Variants in ZNF530 observed in about 807,000 individuals in gnomAD.
ZNF530 encodes the protein zinc finger protein 530.
In ZNF530, 5 loss-of-function variants were observed where a neutral mutation model predicts 2.8. The ratio of observed to expected loss-of-function variants is 1.80; its 90% CI spans 0.94 to 3.78. ZNF530 has a LOEUF of 3.78. Ranked by LOEUF, ZNF530 falls within the 30% of genes most tolerant of loss-of-function variation. The pLI, the probability that ZNF530 is intolerant of heterozygous loss-of-function variation, is 0.00. For synonymous variants in ZNF530, 229 were observed against 235.0 expected, an observed-to-expected ratio of 0.97 and a Z score of 0.23; for missense variants, 619 against 673.3, an observed-to-expected ratio of 0.92 and a Z score of 0.89.
downstream of ZNF530, among the ~76,000 whole-genome samples, chr19:57,610,495 C>T (rs1980835355): frequency 6.6e-6 from 1 of 151,550 alleles, no homozygotes; most frequent in Non-Finnish European, 1.5e-5. Context: ...GTTGATTACA[C>T]CTCAATGAAC....
Position 57,607,345 on chromosome 19 carries a change from C to A in ZNF530, c.*20C>A, listed in dbSNP as rs1980636053. 2 of 1,477,530 alleles carry A rather than the reference C, an allele frequency of 1.4e-6. No homozygotes were observed. The highest frequency in any genetic ancestry group is 2.5e-5 in the South Asian group (2 of 79,116). The allele number at this position is 1,477,530 out of a possible 1,614,324, so 91.5% of individuals were successfully genotyped here. A position where few individuals can be genotyped will look rare whatever the true frequency, so the allele number is the denominator to read the frequency against. On this transcript the variant is annotated 3_prime_UTR_variant, in exon 4 of 4. Transcript: ENST00000597700. ...CAGTGAATGTGGGAAATTATTTTGT[C>A]ACTTTTTTTTTTTTTTTTGAGATGG...
rs1980613075 is a variant in ZNF530 at position 57,607,092 on chromosome 19, G to A, written c.1468G>A (p.Glu490Lys). 6.2e-7 allele frequency: 1 copy of A among 1,613,812 alleles called. No individual in the cohort carries two copies. The highest frequency in any genetic ancestry group is 1.3e-5 in the African/African-American group (1 of 74,798). Residue 490 changes from glutamate to lysine, a missense_variant, in exon 4 of 4, where the codon GAA (glutamate) becomes AAA (lysine). Transcript: ENST00000597700. ...HTNERPYECDECGKSYSQSSA... is the reference protein window; with the variant it reads ...HTNERPYECDKCGKSYSQSSA... ...TAATGAAAGGCCTTATGAGTGCGAT[G>A]AATGTGGGAAATCCTATAGCCAAAG...
rs751233316 is a variant in ZNF530 at position 57,606,260 on chromosome 19, G to A, written c.636G>A (p.Gly212=). 4 of 1,614,004 alleles carry A rather than the reference G, an allele frequency of 2.5e-6. No homozygotes were observed. The highest frequency in any genetic ancestry group is 2.5e-6 in the Non-Finnish European group (3 of 1,180,040). The change falls in exon 4 of 4, where the codon GGG becomes GGA. Residue 212 remains glycine (G), a synonymous_variant. Coordinates refer to ENST00000597700, the MANE Select transcript of ZNF530 (RefSeq NM_001321981.2). ...GERPYKCSEC[G]KSFSQSSGFL... Reference sequence around the variant, plus strand: ...GGCCTTACAAGTGCAGTGAATGTGGGAAATCCTTTAGTCAAAGTTCTGGCT... The same window carrying A: ...GGCCTTACAAGTGCAGTGAATGTGGAAAATCCTTTAGTCAAAGTTCTGGCT...
Position 57,607,380 on chromosome 19 carries a change from C to G in ZNF530, c.*55C>G, listed in dbSNP as rs564907067. 1 of 1,510,148 alleles carries G rather than the reference C, an allele frequency of 6.6e-7. No individual in the cohort carries two copies. Among genetic ancestry groups the G allele is most frequent in the Non-Finnish European group, 8.8e-7 (1 of 1,132,794 alleles). 93.5% of individuals were successfully genotyped at this position (1,510,148 alleles called of 1,614,324 possible). A position where few individuals can be genotyped will look rare whatever the true frequency, so the allele number is the denominator to read the frequency against. On this transcript the variant is annotated 3_prime_UTR_variant, in exon 4 of 4. Coordinates refer to ENST00000597700, the MANE Select transcript of ZNF530 (RefSeq NM_001321981.2). ...TTTTTTTTTGAGATGGAATTTTGCT[C>G]GTCACCCAGGCTGGAGTGCAATTGT... is the stretch of plus-strand genomic sequence containing the variant.
Position 57,607,152 on chromosome 19 carries a change from G to A in ZNF530, c.1528G>A (p.Gly510Arg), listed in dbSNP as rs1432991630. Residue 510 changes from glycine to arginine, a missense_variant, in exon 4 of 4, where the codon GGA becomes AGA. By Grantham distance (125) the Gly-to-Arg change is moderately radical. Coordinates refer to ENST00000597700, the MANE Select transcript of ZNF530 (RefSeq NM_001321981.2). ...ALLQHRRVHT[G>R]ERPYECRECG... ...CCTTCAGCATAGGAGAGTTCACACT[G>A]GAGAAAGGCCTTATGAGTGCAGAGA... 6.2e-7 allele frequency: 1 copy of A among 1,613,442 alleles called. No homozygotes were observed.
rs901029531 is a variant in ZNF530, at chr19:57,599,944, G to T, written c.-312G>T. 6.7e-6 allele frequency: 5 copies of T among 745,628 alleles called. No individual in the cohort carries two copies. In the African/African-American group the frequency reaches 8.9e-5, roughly 13 times the overall value. The allele number at this position is 745,628 out of a possible 1,614,324, so 46.2% of individuals were successfully genotyped here. A position where few individuals can be genotyped will look rare whatever the true frequency, so the allele number is the denominator to read the frequency against. On this transcript the variant is annotated 5_prime_UTR_variant, in exon 1 of 4. Transcript: ENST00000597700. The stretch of plus-strand genomic sequence containing the variant: ...TGGCTTGTGTCAGTTCCATCCGCGG[G>T]TGCCGGATCTGGACCTAGGTGCTGA...
At chr19:57,612,522 A>G (rs1041877072), downstream of ZNF530, 3 of 400,306 alleles carry the variant, frequency 7.5e-6, no homozygotes, top group African/African-American at 4.1e-5. Context: ...AGTGTTTTCA[A>G]GAATGAAAAG....
Position 57,606,322 on chromosome 19 carries a change from C to T in ZNF530, c.698C>T (p.Thr233Ile). ...AGGAAAGCACACGGTAGAACAAGGA[C>T]TCATGAATGTAGTGAATGTGGGAAA... ...RHRKAHGRTR[T>I]HECSECGKSF... The change falls in exon 4 of 4, where the codon ACT becomes ATT. Residue 233 changes from threonine to isoleucine, a missense_variant. Thr to Ile is a moderately conservative substitution (Grantham distance 89). Coordinates refer to ENST00000597700, the MANE Select transcript of ZNF530 (RefSeq NM_001321981.2). The T allele has an allele frequency of 1.2e-6, 2 of 1,614,156 alleles. No individual in the cohort carries two copies. Among genetic ancestry groups the T allele is most frequent in the Middle Eastern group, 1.6e-4 (1 of 6,062 alleles).
intron 2 of ZNF530, 132 bp from the exon 3 acceptor site, chr19:57,604,144 TG>T: frequency 8.1e-7 from 1 of 1,227,216 alleles, no homozygotes; most frequent in African/African-American, 1.5e-5. Context: ...TAGGCATCAG[TG>T]GCATCAGGGC....
downstream of ZNF530, among the ~76,000 whole-genome samples, chr19:57,610,444 GTGTGTA>G (rs779889343): frequency 6.3e-4 from 93 of 147,920 alleles, no homozygotes; most frequent in South Asian, 1.5e-3. Flanking sequence ...GTGTGTGTGT[GTGTGTA>G]TACTTACTGT....
At position 57,606,638 on chromosome 19, in the gene ZNF530, A is replaced by AGTTCACACTGGAGT. The variant is rs775906179; in HGVS notation, c.1015_1028dup (p.Arg344PhefsTer5). ...GCACTAACCTCTTTCGACACTGGAG[A>AGTTCACACTGGAGT]GTTCACACTGGAGTAAGGCCTTATG... On this transcript the variant is annotated frameshift_variant, in exon 4 of 4. Transcript: ENST00000597700. LOFTEE classifies it low-confidence loss of function (END_TRUNC). 6 of 1,613,998 alleles carry AGTTCACACTGGAGT rather than the reference A, an allele frequency of 3.7e-6. No homozygotes were observed.
At position 57,599,936 on chromosome 19, in the gene ZNF530, A is replaced by G. The variant is rs1447540707; in HGVS notation, c.-320A>G. On this transcript the variant is annotated 5_prime_UTR_variant, in exon 1 of 4. Transcript: ENST00000597700. ...GGGCACTTTGGCTTGTGTCAGTTCC[A>G]TCCGCGGGTGCCGGATCTGGACCTA... The G allele has an allele frequency of 4.2e-6, 3 of 709,988 alleles. No individual in the cohort carries two copies. The highest frequency in any genetic ancestry group is 6.6e-6 in the Non-Finnish European group (3 of 456,578). 44.0% of individuals were successfully genotyped at this position (709,988 alleles called of 1,614,324 possible). A position where few individuals can be genotyped will look rare whatever the true frequency, so the allele number is the denominator to read the frequency against.
rs189216687 is a variant in ZNF530 at position 57,604,388 on chromosome 19, G to A, written c.43G>A (p.Ala15Thr). Residue 15 changes from alanine to threonine, a missense_variant, in exon 3 of 4, where the codon GCA becomes ACA. Transcript: ENST00000597700. Reference protein sequence around the residue: ...LYRDVMLENFAVMASLGCWCG... With the variant: ...LYRDVMLENFTVMASLGCWCG... ...CCGCGATGTGATGCTGGAGAACTTTGCAGTTATGGCATCCCTAGGTAAGGC... is the reference window on the plus strand; with the variant it reads ...CCGCGATGTGATGCTGGAGAACTTTACAGTTATGGCATCCCTAGGTAAGGC... 2.2e-5 allele frequency: 35 copies of A among 1,613,810 alleles called. No individual in the cohort carries two copies. The East Asian group carries it at 2.2e-4, about 10-fold the overall frequency.
Position 57,605,734 on chromosome 19 carries a change from T to C in ZNF530, c.110T>C (p.Val37Ala). The change falls in exon 4 of 4, where the codon GTT (valine) becomes GCT (alanine). Residue 37 changes from valine (V) to alanine (A), a missense_variant. Transcript: ENST00000597700. ...GAGGGGACGCCTTCTGCAGAGAGCG[T>C]TTCTGTGGAAGAACTGTCACAGGGC... is the stretch of plus-strand genomic sequence containing the variant. The part of the protein sequence containing the change: ...VDEGTPSAES[V>A]SVEELSQGRT... The C allele has an allele frequency of 1.2e-6, 2 of 1,614,102 alleles. No homozygotes were observed. Among genetic ancestry groups the C allele is most frequent in the South Asian group, 2.2e-5 (2 of 91,070 alleles).
chr19:57,602,622 C>A (rs548014863), intron 2 of ZNF530, among the ~76,000 whole-genome samples: 1 of 152,164 alleles, frequency 6.6e-6, no homozygotes, highest in East Asian at 1.9e-4. Flanking sequence ...AGGAATAATA[C>A]AGAGAGAGGA....
intron 1 of ZNF530, among the ~76,000 whole-genome samples, chr19:57,600,505 C>G (rs1980180601): frequency 6.6e-6 from 1 of 152,240 alleles, no homozygotes; most frequent in African/African-American, 2.4e-5. Context: ...TTCACAAAAG[C>G]TGTTCAGAGG....
rs774857046 is a variant in ZNF530 at position 57,605,772 on chromosome 19, G to A, written c.148G>A (p.Ala50Thr). ...EELSQGRTPKADTSTDKSHPC... is the reference protein window; with the variant it reads ...EELSQGRTPKTDTSTDKSHPC... ...ACTGTCACAGGGCAGGACTCCAAAG[G>A]CAGATACATCCACTGATAAGAGTCA... Residue 50 changes from alanine (A) to threonine (T), a missense_variant, in exon 4 of 4, where the codon GCA (alanine) becomes ACA (threonine). By Grantham distance (58) the Ala-to-Thr change is moderately conservative. Transcript: ENST00000597700. The A allele has an allele frequency of 8.2e-5, 132 of 1,614,152 alleles. 2 individuals carry two copies. The South Asian group carries it at 1.4e-3, about 17-fold the overall frequency.
Position 57,607,346 on chromosome 19 carries a change from ACT to A in ZNF530, c.*22_*23del. 7.0e-7 allele frequency: 1 copy of A among 1,419,536 alleles called. No individual in the cohort carries two copies. The highest frequency in any genetic ancestry group is 9.1e-7 in the Non-Finnish European group (1 of 1,100,916). The allele number at this position is 1,419,536 out of a possible 1,614,324, so 87.9% of individuals were successfully genotyped here. On this transcript the variant is annotated 3_prime_UTR_variant, in exon 4 of 4. Coordinates refer to ENST00000597700, the MANE Select transcript of ZNF530 (RefSeq NM_001321981.2). ...AGTGAATGTGGGAAATTATTTTGTCACTTTTTTTTTTTTTTTTGAGATGGAAT... is the reference window on the plus strand; with the variant it reads ...AGTGAATGTGGGAAATTATTTTGTCATTTTTTTTTTTTTTTGAGATGGAAT...
chr19:57,611,070 C>T (rs999134194), downstream of ZNF530, among the ~76,000 whole-genome samples: 1 of 152,126 alleles, frequency 6.6e-6, no homozygotes, highest in East Asian at 1.9e-4. Context: ...GCCAACTACC[C>T]TCTTTATCTA....
Sources: allele counts gnomAD v4.1 joint callset (sites outside exome capture counted in the v4.1 genomes callset), GRCh38; gene constraint gnomAD v4.1.1; transcripts MANE v1.5; gene names NCBI Gene and HGNC (gene_info 2026-07-23, HGNC 2026-07-21).